CHSY3: variants seen among roughly 807,000 people sequenced by gnomAD.
The protein encoded by CHSY3 is chondroitin sulfate synthase 3.
Under a neutral mutation model 67.2 loss-of-function variants are expected in CHSY3, and 35 were observed. The observed-to-expected ratio is 0.52, with a 90% confidence interval of 0.40 to 0.69. The LOEUF (loss-of-function observed/expected upper bound fraction) is 0.69, where lower values mean the gene tolerates loss of function less well. CHSY3 is among the 30% of genes least tolerant of loss of function. CHSY3 has a pLI of 0.00. For missense variants in CHSY3, 1,069 were observed against 1,138.5 expected (o/e 0.94, Z 0.88); for synonymous variants, 474 against 434.7 (o/e 1.09, Z -1.12).
At chr5:130,149,942 A>G (rs1448263692) in intron 2 of CHSY3, among the ~76,000 whole-genome samples, 1 of 152,194 alleles carries the variant, frequency 6.6e-6, no homozygotes, top group Non-Finnish European at 1.5e-5. Context: ...TTAAAAGTAG[A>G]CTAAGAAATT....
chr5:129,981,328 A>T lies in CHSY3; in HGVS notation c.1086+72968A>T, dbSNP rs547469578. ...TTGTCTGTTCTGCTGCCAGTACCAC[A>T]CTGTCTTGATTACTGTAGCTTTATA... is the stretch of plus-strand genomic sequence containing the variant. On this transcript the variant is annotated intron_variant, in intron 2 of 2. Coordinates refer to ENST00000305031, the MANE Select transcript of CHSY3 (RefSeq NM_175856.5). Among the ~76,000 whole-genome samples the T allele has an allele frequency of 4.7e-4, 71 of 152,076 alleles. 1 individual carries two copies. In the South Asian group the frequency reaches 0.014, roughly 31 times the overall value.
In CHSY3 at chr5:130,169,597, G is replaced by T. The variant is rs146370354; in HGVS notation, c.1087-14632G>T. 9.2e-5 allele frequency among the ~76,000 whole-genome samples: 14 copies of T among 151,718 alleles called. No homozygotes were observed. In the East Asian group the frequency reaches 2.7e-3, roughly 29 times the overall value. On this transcript the variant is annotated intron_variant, in intron 2 of 2. Coordinates refer to ENST00000305031, the MANE Select transcript of CHSY3 (RefSeq NM_175856.5). ...CATTTTTTAATGCTCTCTAACATTA[G>T]TGAATGATATAATGTTTATGCAGAA...
chr5:130,062,770 G>GTT (rs141371098), intron 2 of CHSY3, among the ~76,000 whole-genome samples: 1 of 151,012 alleles, frequency 6.6e-6, no homozygotes, highest in Non-Finnish European at 1.5e-5. Context: ...AGTTTATGAA[G>GTT]TTTTTTTTTA....
chr5:130,051,026 A>T (rs1184759866), intron 2 of CHSY3, among the ~76,000 whole-genome samples: 1 of 152,166 alleles, frequency 6.6e-6, no homozygotes, highest in African/African-American at 2.4e-5. Context: ...AATGGAAAAA[A>T]GTTAAAAGCT....
At chr5:129,983,289 G>A (rs753532780) in intron 2 of CHSY3, among the ~76,000 whole-genome samples, 1 of 152,030 alleles carries the variant, frequency 6.6e-6, no homozygotes, top group Non-Finnish European at 1.5e-5. Context: ...TTTTAGTGAT[G>A]TGGCAGTGGT....
intron 2 of CHSY3, among the ~76,000 whole-genome samples, chr5:130,066,815 C>T (rs1009131538): frequency 2.0e-5 from 3 of 152,028 alleles, no homozygotes; most frequent in Admixed American, 6.6e-5. Context: ...GCCTCACTGT[C>T]GGATGCTTCT....
intron 2 of CHSY3, among the ~76,000 whole-genome samples, chr5:129,922,740 T>C (rs945548706): frequency 6.6e-6 from 1 of 152,226 alleles, no homozygotes; most frequent in Non-Finnish European, 1.5e-5. Flanking sequence ...TATCAATCTC[T>C]TACTAGATAT....
At position 130,145,091 on chromosome 5, in the gene CHSY3, G is replaced by A. The variant is rs1769031770; in HGVS notation, c.1087-39138G>A. Among the ~76,000 whole-genome samples the A allele has an allele frequency of 2.0e-5, 3 of 152,006 alleles. No homozygotes were observed. In the South Asian group the frequency reaches 6.2e-4, roughly 32 times the overall value. ...ATCATGAGAACAGCACCAAGGGGCT[G>A]GTGCTAAACCATTAAAGAGAAACCA... On this transcript the variant is annotated intron_variant, in intron 2 of 2. Transcript: ENST00000305031.
At chr5:130,183,110 C>T (rs1770299100) in intron 2 of CHSY3, among the ~76,000 whole-genome samples, 1 of 152,038 alleles carries the variant, frequency 6.6e-6, no homozygotes. Context: ...TCCTTCTCCT[C>T]ATCCCCTCTT....
At chr5:129,979,506 T>A (rs1340025630) in intron 2 of CHSY3, among the ~76,000 whole-genome samples, 1 of 152,144 alleles carries the variant, frequency 6.6e-6, no homozygotes, top group East Asian at 1.9e-4. Flanking sequence ...AATTGAGATT[T>A]CCCATGTATC....
intron 2 of CHSY3, among the ~76,000 whole-genome samples, chr5:130,024,781 G>T (rs779534109): frequency 6.6e-6 from 1 of 152,084 alleles, no homozygotes; most frequent in Non-Finnish European, 1.5e-5. Context: ...AATTCAGACT[G>T]CTCCCTAATG....
At chr5:129,947,183 A>T (rs1412457320) in intron 2 of CHSY3, among the ~76,000 whole-genome samples, 1 of 152,142 alleles carries the variant, frequency 6.6e-6, no homozygotes, top group East Asian at 1.9e-4. Context: ...GTGCCCAGTG[A>T]TAGGGGGAAA....
At chr5:130,076,160 T>C (rs1766242962) in intron 2 of CHSY3, among the ~76,000 whole-genome samples, 1 of 152,142 alleles carries the variant, frequency 6.6e-6, no homozygotes, top group South Asian at 2.1e-4. Context: ...TTCCTCTACC[T>C]GGAATGCCCT....
Position 130,096,233 on chromosome 5 carries a change from C to T in CHSY3, c.1087-87996C>T, listed in dbSNP as rs528400820. On this transcript the variant is annotated intron_variant, in intron 2 of 2. Coordinates refer to ENST00000305031, the MANE Select transcript of CHSY3 (RefSeq NM_175856.5). ...TGTCGCCCAGGCTGGAGTGCAATGG[C>T]GCAGCCTCAGCTCACTGCAACCTCC... Among the ~76,000 whole-genome samples the T allele has an allele frequency of 3.3e-5, 5 of 152,248 alleles. No homozygotes were observed. The South Asian group carries it at 8.3e-4, about 25-fold the overall frequency.
chr5:130,069,492 A>AAT (rs1395170701), intron 2 of CHSY3, among the ~76,000 whole-genome samples: 1 of 151,934 alleles, frequency 6.6e-6, no homozygotes, highest in Non-Finnish European at 1.5e-5. Context: ...TCTGTTTTAA[A>AAT]ATATATATAT....
At chr5:130,088,935 C>A (rs1026549596) in intron 2 of CHSY3, among the ~76,000 whole-genome samples, 2 of 151,840 alleles carry the variant, frequency 1.3e-5, no homozygotes, top group Admixed American at 6.6e-5. Context: ...ATGTTTATTG[C>A]GGCACTATTC....
At chr5:130,010,379 G>A (rs1435445215) in intron 2 of CHSY3, among the ~76,000 whole-genome samples, 3 of 152,034 alleles carry the variant, frequency 2.0e-5, no homozygotes, top group Admixed American at 6.6e-5. Context: ...GTTCCTGAAG[G>A]ACTTTTGGCC....
At position 130,106,163 on chromosome 5, in the gene CHSY3, G is replaced by A. The variant is rs150391288; in HGVS notation, c.1087-78066G>A. 6.8e-4 allele frequency among the ~76,000 whole-genome samples: 103 copies of A among 151,488 alleles called. 1 individual carries two copies. The highest frequency in any genetic ancestry group is 2.3e-3 in the Admixed American group (35 of 15,184). On this transcript the variant is annotated intron_variant, in intron 2 of 2. Coordinates refer to ENST00000305031, the MANE Select transcript of CHSY3 (RefSeq NM_175856.5). ...CAATTATGTTATTTTACTGTACCAC[G>A]TGATACATTTGTAATATAAATTCTG...
At chr5:130,165,270 C>T (rs1769710029) in intron 2 of CHSY3, among the ~76,000 whole-genome samples, 1 of 151,470 alleles carries the variant, frequency 6.6e-6, no homozygotes, top group African/African-American at 2.4e-5. Context: ...GGATGGTTGC[C>T]CAGAAGATAT....
Sources: allele counts gnomAD v4.1 joint callset (sites outside exome capture counted in the v4.1 genomes callset), GRCh38; gene constraint gnomAD v4.1.1; transcripts MANE v1.5; gene names NCBI Gene and HGNC (gene_info 2026-07-23, HGNC 2026-07-21).